C2CD2: variants seen among roughly 807,000 people sequenced by gnomAD.
C2CD2 encodes C2 calcium dependent domain containing 2, also known as C2 domain-containing protein 2.
C2CD2 carries 43 observed loss-of-function variants against 74.3 expected under a neutral mutation model. The ratio of observed to expected loss-of-function variants is 0.58; its 90% confidence interval spans 0.45 to 0.75. The LOEUF (loss-of-function observed/expected upper bound fraction) is 0.75, where lower values mean the gene tolerates loss of function less well. Among genes scored for constraint, C2CD2 ranks in the 30% least tolerant of loss-of-function variants. The pLI, the probability that C2CD2 is intolerant of heterozygous loss-of-function variation, is 0.00. For synonymous variants in C2CD2, 422 were observed against 390.7 expected (o/e 1.08, Z -0.94); for missense variants, 801 against 916.3 (o/e 0.87, Z 1.63).
rs537860641 is a variant in C2CD2 at position 41,949,207 on chromosome 21, G to A, written c.279+4163C>T. Among the ~76,000 whole-genome samples, 392 of 152,320 alleles carry A rather than the reference G, an allele frequency of 2.6e-3. 2 individuals are homozygous for A. Among genetic ancestry groups the A allele is most frequent in the African/African-American group, 7.0e-3 (293 of 41,572 alleles). ...GCTGGATCCCAGAGTCGAGGAGACT[G>A]TAGGACAGCAGTCCCGGAGACTCCC... On this transcript the variant is annotated intron_variant, in intron 1 of 13. Coordinates refer to ENST00000380486, the MANE Select transcript of C2CD2 (RefSeq NM_015500.2).
chr21:41,887,759 C>G lies in C2CD2; in HGVS notation c.*1365G>C, dbSNP rs560960352. 1 of 152,280 alleles carries G rather than the reference C, an allele frequency of 6.6e-6. No homozygotes were observed. The highest frequency in any genetic ancestry group is 6.5e-5 in the Admixed American group (1 of 15,302). 9.4% of individuals were successfully genotyped at this position (152,280 alleles called of 1,614,324 possible). A position where few individuals can be genotyped will look rare whatever the true frequency, so the allele number is the denominator to read the frequency against. On this transcript the variant is annotated 3_prime_UTR_variant, in exon 14 of 14. Transcript: ENST00000380486. ...AAGAGGCTACGGAAGGAAGCTTGCC[C>G]ATTTCCGTCTCCATGACAGAAGCCA... is the stretch of plus-strand genomic sequence containing the variant.
At chr21:41,912,639 C>A (rs1293089468) in intron 6 of C2CD2, among the ~76,000 whole-genome samples, 199 bp from the exon 7 acceptor site, 1 of 152,202 alleles carries the variant, frequency 6.6e-6, no homozygotes, top group Non-Finnish European at 1.5e-5. Flanking sequence ...TACAGGCGCA[C>A]GCCTCCACGC....
chr21:41,935,695 T>C (rs185413916), intron 2 of C2CD2, among the ~76,000 whole-genome samples: 224 of 152,104 alleles, frequency 1.5e-3, no homozygotes, highest in African/African-American at 5.0e-3. Context: ...CTACTAAAAA[T>C]ACAAAAATTC....
At chr21:41,893,698 C>CTTTTTTTTT (rs60305027) in intron 13 of C2CD2, among the ~76,000 whole-genome samples, 1 of 122,090 alleles carries the variant, frequency 8.2e-6, no homozygotes, top group Non-Finnish European at 1.7e-5. Flanking sequence ...TGTTAAATTT[C>CTTTTTTTTT]TTTTTTTTTT....
Position 41,932,910 on chromosome 21 carries a change from G to C in C2CD2, c.378+9237C>G, listed in dbSNP as rs934453813. Among the ~76,000 whole-genome samples, 2 of 150,324 alleles carry C rather than the reference G, an allele frequency of 1.3e-5. 1 individual carries two copies. The highest frequency in any genetic ancestry group is 3.0e-5 in the Non-Finnish European group (2 of 67,036). On this transcript the variant is annotated intron_variant, in intron 2 of 13. Transcript: ENST00000380486. Reference sequence around the variant, plus strand: ...CAAGAAAAAGGCATCCAGTGGGCACGGCAGCCAGTTTCATTGGGAGAGGGA... The same window carrying C: ...CAAGAAAAAGGCATCCAGTGGGCACCGCAGCCAGTTTCATTGGGAGAGGGA...
At chr21:41,894,724 T>C (rs2064800852) in intron 13 of C2CD2, 1 of 456,828 alleles carries the variant, frequency 2.2e-6, no homozygotes, top group Non-Finnish European at 4.4e-6. Flanking sequence ...GGCCATTCCA[T>C]TCCCTTTCTC....
Position 41,939,314 on chromosome 21 carries a change from A to G in C2CD2, c.378+2833T>C, listed in dbSNP as rs1174458629. ...CGTGTAAGGCCACTTTTCTGGCAATATGAAGTTTTTTTAAAGATGGAGTCT... is the reference window on the plus strand; with the variant it reads ...CGTGTAAGGCCACTTTTCTGGCAATGTGAAGTTTTTTTAAAGATGGAGTCT... On this transcript the variant is annotated intron_variant, in intron 2 of 13. Coordinates refer to ENST00000380486, the MANE Select transcript of C2CD2 (RefSeq NM_015500.2). This position sits in a 1 kb window ranked among gnomAD's most constrained non-coding sequence, Gnocchi z 5.5. Among the ~76,000 whole-genome samples, 1 of 152,198 alleles carries G rather than the reference A, an allele frequency of 6.6e-6. No homozygotes were observed. The highest frequency in any genetic ancestry group is 1.5e-5 in the Non-Finnish European group (1 of 68,028).
At position 41,892,385 on chromosome 21, in the gene C2CD2, G is replaced by T. The variant is rs1569052680; in HGVS notation, c.1871-3041C>A. ...AGCCTCCAGAACAGGGAAAGAATTGGCTCCTGGTGTTGCAAACACCCAGTT... is the reference window on the plus strand; with the variant it reads ...AGCCTCCAGAACAGGGAAAGAATTGTCTCCTGGTGTTGCAAACACCCAGTT... On this transcript the variant is annotated intron_variant, in intron 13 of 13. Coordinates refer to ENST00000380486, the MANE Select transcript of C2CD2 (RefSeq NM_015500.2). The surrounding 1 kb of genome is among the most constrained non-coding windows in gnomAD (Gnocchi z 4.6). 6.6e-6 allele frequency among the ~76,000 whole-genome samples: 1 copy of T among 152,132 alleles called. No individual in the cohort carries two copies. The highest frequency in any genetic ancestry group is 2.1e-4 in the South Asian group (1 of 4,834).
chr21:41,947,419 A>G (rs2065410614), intron 1 of C2CD2, among the ~76,000 whole-genome samples: 1 of 152,002 alleles, frequency 6.6e-6, no homozygotes, highest in Non-Finnish European at 1.5e-5. Context: ...AGTCTCCCAA[A>G]GTGCTGGGAT....
In C2CD2 at chr21:41,912,391, C is replaced by T; in HGVS notation, c.894G>A (p.Arg298=). 1.2e-6 allele frequency: 2 copies of T among 1,612,884 alleles called. No individual in the cohort carries two copies. Among genetic ancestry groups the T allele is most frequent in the Non-Finnish European group, 1.7e-6 (2 of 1,179,828 alleles). The change falls in exon 7 of 14, where the codon AGG becomes AGA. Residue 298 remains arginine (R), a synonymous_variant. Transcript: ENST00000380486. ...TGTTTTTCGTCAGGGTGCTGGAGAA[C>T]CTCTGAACAGGATCGTTCAGCTGCA... ...CVVQLNDPVQ[R]FSSTLTKNTP...
intron 13 of C2CD2, among the ~76,000 whole-genome samples, chr21:41,893,704 T>TC (rs1347292636): frequency 7.7e-4 from 85 of 109,722 alleles, no homozygotes; most frequent in African/African-American, 3.1e-3. Context: ...ATTTCTTTTT[T>TC]TTTTTTTTTT....
At chr21:41,904,680 C>T (rs74974941) in intron 11 of C2CD2, among the ~76,000 whole-genome samples, 7 of 152,286 alleles carry the variant, frequency 4.6e-5, no homozygotes, top group African/African-American at 1.7e-4. Flanking sequence ...TGAACTTTCA[C>T]CAGGCTGAGA....
At chr21:41,941,501 C>A (rs2065354005) in intron 2 of C2CD2, among the ~76,000 whole-genome samples, 1 of 152,210 alleles carries the variant, frequency 6.6e-6, no homozygotes, top group South Asian at 2.1e-4. Context: ...TTCTACATAA[C>A]ATCTACATAG....
intron 2 of C2CD2, among the ~76,000 whole-genome samples, chr21:41,935,249 A>G (rs144290589): frequency 4.2e-4 from 64 of 152,282 alleles, no homozygotes; most frequent in African/African-American, 1.4e-3. Flanking sequence ...AACATGGGGG[A>G]AAGAATATAA....
intron 6 of C2CD2, 53 bp from the exon 7 acceptor site, chr21:41,912,493 ATTT>A (rs71319914): frequency 3.4e-4 from 205 of 598,552 alleles, no homozygotes; most frequent in South Asian, 5.7e-4. Flanking sequence ...TTATTTATTT[ATTT>A]TTTTTTTTTT....
rs149780124 is a variant in C2CD2, at chr21:41,938,245, T to G, written c.378+3902A>C. ...TTCATCAATTAAAAAAAATAAATTT[T>G]AAAAACAAAATAAAGTCATTGACAC... On this transcript the variant is annotated intron_variant, in intron 2 of 13. Coordinates refer to ENST00000380486, the MANE Select transcript of C2CD2 (RefSeq NM_015500.2). 3.6e-3 allele frequency among the ~76,000 whole-genome samples: 547 copies of G among 152,012 alleles called. 4 individuals are homozygous for G. Among genetic ancestry groups the G allele is most frequent in the African/African-American group, 0.012 (512 of 41,470 alleles).
At chr21:41,901,576 C>T in intron 12 of C2CD2, 46 bp downstream of exon 12, 1 of 1,600,670 alleles carries the variant, frequency 6.2e-7, no homozygotes, top group Non-Finnish European at 8.6e-7. Context: ...CAGCAGGTCA[C>T]TGACAGATGA....
rs754207392 is a variant in C2CD2 at position 41,953,698 on chromosome 21, G to A, written c.-50C>T. On this transcript the variant is annotated 5_prime_UTR_variant, in exon 1 of 14. Coordinates refer to ENST00000380486, the MANE Select transcript of C2CD2 (RefSeq NM_015500.2). ...CCAACTTCCCCGGCAGCCCCGGGCC[G>A]GAACGGCGGACTCAGGACACGCGCT... is the stretch of plus-strand genomic sequence containing the variant. 3.4e-4 allele frequency: 454 copies of A among 1,332,954 alleles called. No individual in the cohort carries two copies. In the African/African-American group the frequency reaches 6.4e-3, roughly 19 times the overall value. 82.6% of individuals were successfully genotyped at this position (1,332,954 alleles called of 1,614,324 possible).
rs199829630 is a variant in C2CD2 at position 41,922,070 on chromosome 21, C to T, written c.394G>A (p.Val132Met). The part of the protein sequence containing the change: ...SAEEKVVVCH[V>M]VGQAIQFLVS... ...AAGAACTGAATAGCCTGGCCCACCA[C>T]GTGACAGACCACCACCTGGAGGAGG... The change falls in exon 3 of 14, where the codon GTG (valine) becomes ATG (methionine). Residue 132 changes from valine to methionine, a missense_variant. Transcript: ENST00000380486. The T allele has an allele frequency of 5.2e-5, 84 of 1,612,364 alleles. No homozygotes were observed. In the East Asian group the frequency reaches 1.1e-3, roughly 21 times the overall value.
Sources: gnomAD v4.1 joint callset for allele counts (sites outside exome capture counted in the v4.1 genomes callset) on GRCh38, gnomAD v4.1.1 for gene constraint, Gnocchi (gnomAD v3.1) non-coding constraint, MANE v1.5 for transcripts, NCBI Gene and HGNC (gene_info 2026-07-23, HGNC 2026-07-21) for gene names.